The following TMBIM1 variants were observed in gnomAD, a reference collection of about 807,000 sequenced individuals.
TMBIM1 encodes protein lifeguard 3.
A neutral mutation model predicts 45.1 loss-of-function variants in TMBIM1; 34 were observed. The ratio of observed to expected loss-of-function variants is 0.75; its 90% confidence interval spans 0.57 to 1.00. The LOEUF is 1.00. Among genes scored for constraint, TMBIM1 ranks in the 50% least tolerant of loss-of-function variants. The pLI is 0.00. For missense variants in TMBIM1, 374 were observed against 402.4 expected, an observed-to-expected ratio of 0.93 and a Z score of 0.60; for synonymous variants, 157 against 153.5, an observed-to-expected ratio of 1.02 and a Z score of -0.17.
chr2:218,276,174 G>C, intron 10 of TMBIM1, 95 bp from the exon 11 acceptor site: 3 of 1,357,740 alleles, frequency 2.2e-6, no homozygotes, highest in Non-Finnish European at 3.1e-6. Flanking sequence ...CATGAGAGTG[G>C]GTAGAGCTGG....
At chr2:218,289,408 G>C (rs568719422) in intron 1 of TMBIM1, among the ~76,000 whole-genome samples, 1 of 152,162 alleles carries the variant, frequency 6.6e-6, no homozygotes, top group African/African-American at 2.4e-5. Flanking sequence ...TTGGGAGGCC[G>C]AGCCAGGCGG....
At chr2:218,285,153 G>A (rs1692406390) in intron 1 of TMBIM1, among the ~76,000 whole-genome samples, 1 of 152,148 alleles carries the variant, frequency 6.6e-6, no homozygotes, top group African/African-American at 2.4e-5. Context: ...CTGATCAATG[G>A]GGATAAAGGT....
intron 10 of TMBIM1, among the ~76,000 whole-genome samples, 159 bp downstream of exon 10, chr2:218,276,845 A>G (rs1574627057): frequency 1.3e-5 from 2 of 152,126 alleles, no homozygotes; most frequent in Non-Finnish European, 2.9e-5. Flanking sequence ...CCTCACCCAG[A>G]AGGATGCTGC....
At chr2:218,276,978 G>A in intron 10 of TMBIM1, 26 bp downstream of exon 10, 1 of 1,598,140 alleles carries the variant, frequency 6.3e-7, no homozygotes, top group Non-Finnish European at 8.6e-7. Flanking sequence ...TGGGTTCCCT[G>A]ACCCCAGCTC....
At chr2:218,282,428 A>G (rs1692113784) in intron 1 of TMBIM1, among the ~76,000 whole-genome samples, 1 of 152,218 alleles carries the variant, frequency 6.6e-6, no homozygotes, top group Non-Finnish European at 1.5e-5. Context: ...CAGCCATAGG[A>G]AAGCAGGAGG....
At chr2:218,286,704 T>G (rs1692542875) in intron 1 of TMBIM1, 1 of 152,262 alleles carries the variant, frequency 6.6e-6, no homozygotes, top group South Asian at 2.1e-4. Flanking sequence ...CTGGGGGTAT[T>G]TGAAGGGTTA....
Position 218,275,437 on chromosome 2 carries a change from G to GGA in TMBIM1, c.*36_*37dup. ...AGGGCCCAGCCCTCTAGCTTGGAAG[G>GGA]GAGAGCCCAGGATCGGGTGAAAATG... On this transcript the variant is annotated 3_prime_UTR_variant, in exon 12 of 12. Transcript: ENST00000258412. 6.3e-7 allele frequency: 1 copy of GGA among 1,593,760 alleles called. No homozygotes were observed. The highest frequency in any genetic ancestry group is 8.5e-7 in the Non-Finnish European group (1 of 1,169,604).
intron 6 of TMBIM1, chr2:218,278,239 G>C: frequency 1.7e-6 from 1 of 604,286 alleles, no homozygotes; most frequent in Admixed American, 3.0e-5. Context: ...TGGGGAGAAA[G>C]TTACTCAGCC....
intron 1 of TMBIM1, chr2:218,286,829 T>G (rs1021932417): frequency 2.0e-5 from 3 of 147,394 alleles, no homozygotes; most frequent in Non-Finnish European, 3.0e-5. Flanking sequence ...CAGCCTGCCC[T>G]CCTCCCTGCC....
At chr2:218,281,427 G>A (rs999646123) in intron 2 of TMBIM1, among the ~76,000 whole-genome samples, 3 of 152,184 alleles carry the variant, frequency 2.0e-5, no homozygotes, top group Admixed American at 6.5e-5. Context: ...GTGAGCCACC[G>A]CGGCCGGCCT....
chr2:218,279,026 GCA>G lies in TMBIM1; in HGVS notation c.422+10_422+11del, dbSNP rs1691568431. 5 of 1,614,062 alleles carry G rather than the reference GCA, an allele frequency of 3.1e-6. No individual in the cohort carries two copies. The highest frequency in any genetic ancestry group is 1.1e-5 in the South Asian group (1 of 91,086). On this transcript the variant is annotated intron_variant, in intron 5 of 11. Transcript: ENST00000258412. The stretch of plus-strand genomic sequence containing the variant: ...TGCCTCCCTGCCCAACCACAGAGGA[GCA>G]CACACTCACTAGGACACGTAGTAGA...
rs1406900037 is a variant in TMBIM1 at position 218,275,517 on chromosome 2, G to A, written c.894C>T (p.Tyr298=). 5 of 1,614,066 alleles carry A rather than the reference G, an allele frequency of 3.1e-6. No homozygotes were observed. Among genetic ancestry groups the A allele is most frequent in the Middle Eastern group, 3.3e-4 (2 of 6,080 alleles). The part of the protein sequence containing the change: ...GALQIYTDII[Y]IFTFVLQLMG... ...TCAGCTGCAGCACAAAGGTGAAGATGTAGATGATGTCTGTGTAAATCTGCA... is the reference window on the plus strand; with the variant it reads ...TCAGCTGCAGCACAAAGGTGAAGATATAGATGATGTCTGTGTAAATCTGCA... The change falls in exon 12 of 12, where the codon TAC becomes TAT. Residue 298 remains tyrosine (Y), a synonymous_variant. Coordinates refer to ENST00000258412, the MANE Select transcript of TMBIM1 (RefSeq NM_022152.6).
Position 218,275,510 on chromosome 2 carries a change from T to G in TMBIM1, c.901A>C (p.Thr301Pro), listed in dbSNP as rs1369572597. Residue 301 changes from threonine to proline, a missense_variant, in exon 12 of 12, where the codon ACC becomes CCC. Coordinates refer to ENST00000258412, the MANE Select transcript of TMBIM1 (RefSeq NM_022152.6). ...TCCCCCATCAGCTGCAGCACAAAGG[T>G]GAAGATGTAGATGATGTCTGTGTAA... ...QIYTDIIYIF[T>P]FVLQLMGDRN The G allele has an allele frequency of 7.4e-6, 12 of 1,613,876 alleles. No homozygotes were observed. The highest frequency in any genetic ancestry group is 1.0e-5 in the Non-Finnish European group (12 of 1,179,932).
Position 218,275,470 on chromosome 2 carries a change from G to C in TMBIM1, c.*5C>G, listed in dbSNP as rs1252656123. ...CAGGATCGGGTGAAAATGGGGGCTT[G>C]CTCCTTAATTGCGATCCCCCATCAG... On this transcript the variant is annotated 3_prime_UTR_variant, in exon 12 of 12. Coordinates refer to ENST00000258412, the MANE Select transcript of TMBIM1 (RefSeq NM_022152.6). 5.0e-6 allele frequency: 8 copies of C among 1,611,394 alleles called. No homozygotes were observed. The highest frequency in any genetic ancestry group is 6.8e-6 in the Non-Finnish European group (8 of 1,178,384).
Position 218,275,365 on chromosome 2 carries a change from G to C in TMBIM1, c.*110C>G. The C allele has an allele frequency of 7.1e-7, 1 of 1,416,200 alleles. No homozygotes were observed. Among genetic ancestry groups the C allele is most frequent in the Admixed American group, 2.4e-5 (1 of 41,794 alleles). 87.7% of individuals were successfully genotyped at this position (1,416,200 alleles called of 1,614,324 possible). A position where few individuals can be genotyped will look rare whatever the true frequency, so the allele number is the denominator to read the frequency against. ...CCAGGACAGAAAGGAAACTGGGCAT[G>C]TTACTCAAGGGGAAGGAAAGGGGCC... On this transcript the variant is annotated 3_prime_UTR_variant, in exon 12 of 12. Transcript: ENST00000258412.
intron 1 of TMBIM1, among the ~76,000 whole-genome samples, chr2:218,291,273 A>T (rs1180024306): frequency 6.6e-6 from 1 of 152,192 alleles, no homozygotes. Context: ...CATTTAAGCT[A>T]TAAACTGGTT....
At chr2:218,277,909 C>A in intron 7 of TMBIM1, 26 bp downstream of exon 7, 1 of 1,614,122 alleles carries the variant, frequency 6.2e-7, no homozygotes, top group Admixed American at 1.7e-5. Context: ...CATCTCCACA[C>A]CCTCCTGCCA....
At chr2:218,276,709 C>T (rs959793883) in intron 10 of TMBIM1, among the ~76,000 whole-genome samples, 2 of 152,252 alleles carry the variant, frequency 1.3e-5, no homozygotes, top group African/African-American at 4.8e-5. Flanking sequence ...CAGTCTGCCT[C>T]CGAGAACCTG....
At chr2:218,281,861 A>G in intron 2 of TMBIM1, 79 bp downstream of exon 2, 3 of 1,088,024 alleles carry the variant, frequency 2.8e-6, no homozygotes, top group Admixed American at 2.2e-5. Flanking sequence ...AGAAGAGAAA[A>G]GGGGCAGGAG....
Sources: gnomAD v4.1 joint callset for allele counts (sites outside exome capture counted in the v4.1 genomes callset) on GRCh38, gnomAD v4.1.1 for gene constraint, MANE v1.5 for transcripts, NCBI Gene and HGNC (gene_info 2026-07-23, HGNC 2026-07-21) for gene names.